The following CCKAR variants were observed in gnomAD, a reference collection of about 807,000 sequenced individuals.
The protein encoded by CCKAR is cholecystokinin receptor type A.
A neutral mutation model predicts 29.8 loss-of-function variants in CCKAR; 21 were observed. That is an observed-to-expected ratio of 0.70 (90% CI 0.50 to 1.01). The LOEUF (loss-of-function observed/expected upper bound fraction) is 1.01, where lower values mean the gene tolerates loss of function less well. CCKAR is among the 50% of genes least tolerant of loss of function. CCKAR has a pLI of 0.00. For missense variants in CCKAR, 570 were observed against 560.6 expected (o/e 1.02, Z -0.17); for synonymous variants, 238 against 221.3 (o/e 1.08, Z -0.67).
At chr4:26,486,034 T>C in intron 2 of CCKAR, 136 bp from the exon 3 acceptor site, 2 of 727,914 alleles carry the variant, frequency 2.7e-6, no homozygotes, top group South Asian at 4.2e-5. Flanking sequence ...ATATTGTGTA[T>C]GTATATTTTT....
In CCKAR at chr4:26,481,651, A is replaced by G. The variant is rs2109877073; in HGVS notation, c.1274T>C (p.Val425Ala). 6.2e-7 allele frequency: 1 copy of G among 1,614,078 alleles called. No homozygotes were observed. Among genetic ancestry groups the G allele is most frequent in the Non-Finnish European group, 8.5e-7 (1 of 1,180,016 alleles). ...TCAGGGGACATCTCACTGGGGTGGC[A>G]CCGAGGCACTCATATGGCTGTACGA... ...RFSYSHMSAS[V>A]PPQ Residue 425 changes from valine (V) to alanine (A), a missense_variant, in exon 5 of 5, where the codon GTG (valine) becomes GCG (alanine). Val to Ala is a moderately conservative substitution (Grantham distance 64, BLOSUM62 0). Transcript: ENST00000295589.
chr4:26,483,311 C>G (rs531262435), intron 3 of CCKAR, 28 bp from the exon 4 acceptor site: 1 of 1,609,556 alleles, frequency 6.2e-7, no homozygotes, highest in South Asian at 1.1e-5. Flanking sequence ...AATCCAATAA[C>G]CAGCAACTTT....
chr4:26,482,821 G>C (rs1737378332), intron 4 of CCKAR, among the ~76,000 whole-genome samples: 1 of 152,154 alleles, frequency 6.6e-6, no homozygotes. Flanking sequence ...CACAAAACAG[G>C]CTGGAATTAC....
chr4:26,490,416 A>G lies in CCKAR; in HGVS notation c.-149T>C, dbSNP rs1464245105. 1 of 609,184 alleles carries G rather than the reference A, an allele frequency of 1.6e-6. No homozygotes were observed. Among genetic ancestry groups the G allele is most frequent in the East Asian group, 2.9e-5 (1 of 34,008 alleles). 37.7% of individuals were successfully genotyped at this position (609,184 alleles called of 1,614,324 possible). A position where few individuals can be genotyped will look rare whatever the true frequency, so the allele number is the denominator to read the frequency against. ...TTTCCAGGTGTGGGCTTTTTCAGCC[A>G]TTCCTAAAGGCGACTTGAGTTCACC... On this transcript the variant is annotated 5_prime_UTR_variant, in exon 1 of 5. It removes an upstream start codon present in the reference 5' UTR. Transcript: ENST00000295589.
At chr4:26,489,900 T>C (rs1054027382) in intron 1 of CCKAR, among the ~76,000 whole-genome samples, 1 of 152,094 alleles carries the variant, frequency 6.6e-6, no homozygotes, top group African/African-American at 2.4e-5. Context: ...CCCTCTTGCT[T>C]CACTCAGCTT....
chr4:26,481,816 T>C lies in CCKAR; in HGVS notation c.1109A>G (p.Tyr370Cys), dbSNP rs967613067. ...GCGGAAGCGTTTGTTCATGAAGCAG[T>C]AGATGATGGGGTTGACGCAGGAGGA... The part of the protein sequence containing the change: ...YTSSCVNPII[Y>C]CFMNKRFRLG... Residue 370 changes from tyrosine to cysteine, a missense_variant, in exon 5 of 5, where the codon TAC (tyrosine) becomes TGC (cysteine). By Grantham distance (194) the Tyr-to-Cys change is radical (BLOSUM62 -2). Transcript: ENST00000295589. The C allele has an allele frequency of 1.2e-6, 2 of 1,613,644 alleles. No homozygotes were observed. Among genetic ancestry groups the C allele is most frequent in the South Asian group, 2.2e-5 (2 of 91,026 alleles).
chr4:26,482,075 G>T lies in CCKAR; in HGVS notation c.850C>A (p.Gln284Lys), dbSNP rs892657848. 6.2e-7 allele frequency: 1 copy of T among 1,614,216 alleles called. No homozygotes were observed. Among genetic ancestry groups the T allele is most frequent in the Non-Finnish European group, 8.5e-7 (1 of 1,180,040 alleles). Reference sequence around the variant, plus strand: ...CTGCTGCTGCTGCCGGTGGACAGCTGCCGGAGCTCCAGCTTCCTCGGGGGC... The same window carrying T: ...CTGCTGCTGCTGCCGGTGGACAGCTTCCGGAGCTCCAGCTTCCTCGGGGGC... ...TRPPRKLELR[Q>K]LSTGSSSRAN... The change falls in exon 5 of 5, where the codon CAG (glutamine) becomes AAG (lysine). Residue 284 changes from glutamine to lysine, a missense_variant. Gln to Lys is a moderately conservative substitution (Grantham distance 53). Transcript: ENST00000295589.
At position 26,483,226 on chromosome 4, in the gene CCKAR, T is replaced by A. The variant is rs201374430; in HGVS notation, c.684A>T (p.Ala228=). 1.1e-5 allele frequency: 17 copies of A among 1,613,630 alleles called. No individual in the cohort carries two copies. Among genetic ancestry groups the A allele is most frequent in the Non-Finnish European group, 1.3e-5 (15 of 1,179,750 alleles). Reference sequence around the variant, plus strand: ...AGAGTTCCAAAGAGATTAATCCATATGCCACCATCATCACAATTCCAGGAA... The same window carrying A: ...AGAGTTCCAAAGAGATTAATCCATAAGCCACCATCATCACAATTCCAGGAA... ...FLIPGIVMMV[A]YGLISLELYQ... The change falls in exon 4 of 5, where the codon GCA becomes GCT. Residue 228 remains alanine (A), a synonymous_variant. Transcript: ENST00000295589.
Position 26,482,665 on chromosome 4 carries a change from T to C in CCKAR, c.754+491A>G. Among the ~76,000 whole-genome samples, 2 of 152,158 alleles carry C rather than the reference T, an allele frequency of 1.3e-5. 1 individual carries two copies. ...ACAAGGGTGTCAAGGTCAATTTTCA[T>C]GGACAGTGGATTGTAATGAATGGAG... On this transcript the variant is annotated intron_variant, in intron 4 of 4. Coordinates refer to ENST00000295589, the MANE Select transcript of CCKAR (RefSeq NM_000730.3).
At chr4:26,483,551 T>G (rs749896385) in intron 3 of CCKAR, among the ~76,000 whole-genome samples, 1 of 152,174 alleles carries the variant, frequency 6.6e-6, no homozygotes, top group East Asian at 1.9e-4. Context: ...AGTCTATGTA[T>G]GAAAAAGAAT....
rs560986896 is a variant in CCKAR, at chr4:26,490,419, C to T, written c.-152G>A. 1 of 598,518 alleles carries T rather than the reference C, an allele frequency of 1.7e-6. No individual in the cohort carries two copies. Among genetic ancestry groups the T allele is most frequent in the East Asian group, 3.0e-5 (1 of 33,682 alleles). The allele number at this position is 598,518 out of a possible 1,614,324, so 37.1% of individuals were successfully genotyped here. On this transcript the variant is annotated 5_prime_UTR_variant, in exon 1 of 5. Coordinates refer to ENST00000295589, the MANE Select transcript of CCKAR (RefSeq NM_000730.3). The stretch of plus-strand genomic sequence containing the variant: ...CCAGGTGTGGGCTTTTTCAGCCATT[C>T]CTAAAGGCGACTTGAGTTCACCTCA...
chr4:26,483,521 G>A (rs942626182), intron 3 of CCKAR, among the ~76,000 whole-genome samples: 19 of 152,242 alleles, frequency 1.2e-4, no homozygotes, highest in South Asian at 6.2e-4. Flanking sequence ...AAAGTTTGGC[G>A]TAATTCTGTG....
chr4:26,484,566 C>T (rs1170708504), intron 3 of CCKAR, among the ~76,000 whole-genome samples: 1 of 152,110 alleles, frequency 6.6e-6, no homozygotes, highest in Non-Finnish European at 1.5e-5. Context: ...AGATAAGGAA[C>T]CTGACGTTCA....
At chr4:26,490,012 T>C in intron 1 of CCKAR, 144 bp downstream of exon 1, 1 of 601,246 alleles carries the variant, frequency 1.7e-6, no homozygotes. Context: ...TTTAATCTCT[T>C]CTCCAAACTT....
rs1484342891 is a variant in CCKAR, at chr4:26,483,221, C to T, written c.689G>A (p.Gly230Glu). 1.2e-6 allele frequency: 2 copies of T among 1,613,394 alleles called. No individual in the cohort carries two copies. Among genetic ancestry groups the T allele is most frequent in the Non-Finnish European group, 1.7e-6 (2 of 1,179,598 alleles). ...CTGGTAGAGTTCCAAAGAGATTAAT[C>T]CATATGCCACCATCATCACAATTCC... ...IPGIVMMVAY[G>E]LISLELYQGI... The change falls in exon 4 of 5, where the codon GGA (glycine) becomes GAA (glutamate). Residue 230 changes from glycine (G) to glutamate (E), a missense_variant. Transcript: ENST00000295589.
At position 26,481,568 on chromosome 4, in the gene CCKAR, T is replaced by C. The variant is rs1737343930; in HGVS notation, c.*70A>G. 1.3e-6 allele frequency: 2 copies of C among 1,528,728 alleles called. No individual in the cohort carries two copies. The highest frequency in any genetic ancestry group is 1.8e-6 in the Non-Finnish European group (2 of 1,105,428). 94.7% of individuals were successfully genotyped at this position (1,528,728 alleles called of 1,614,324 possible). ...TCAGCTCTGCTCCTTCTCTTCCTGATCTCTTCTTCCGTTCTTTCTTCTCTG... is the reference window on the plus strand; with the variant it reads ...TCAGCTCTGCTCCTTCTCTTCCTGACCTCTTCTTCCGTTCTTTCTTCTCTG... On this transcript the variant is annotated 3_prime_UTR_variant, in exon 5 of 5. Coordinates refer to ENST00000295589, the MANE Select transcript of CCKAR (RefSeq NM_000730.3).
At chr4:26,487,398 A>G (rs762426845) in intron 2 of CCKAR, among the ~76,000 whole-genome samples, 14 of 152,210 alleles carry the variant, frequency 9.2e-5, no homozygotes, top group Non-Finnish European at 1.5e-4. Flanking sequence ...TACTCTAAAG[A>G]GTTGATGACA....
chr4:26,482,234 C>T (rs1737366433), intron 4 of CCKAR, 64 bp from the exon 5 acceptor site: 3 of 1,456,700 alleles, frequency 2.1e-6, no homozygotes, highest in Admixed American at 4.2e-5. Flanking sequence ...AGGCATGGAG[C>T]CCCCACTCCC....
chr4:26,483,394 A>C, intron 3 of CCKAR, 111 bp from the exon 4 acceptor site: 1 of 967,128 alleles, frequency 1.0e-6, no homozygotes, highest in Non-Finnish European at 1.5e-6. Flanking sequence ...CAAACACATT[A>C]ATTACTAGTA....
Sources: allele counts gnomAD v4.1 joint callset (sites outside exome capture counted in the v4.1 genomes callset), GRCh38; gene constraint gnomAD v4.1.1; transcripts MANE v1.5; gene names NCBI Gene and HGNC (gene_info 2026-07-23, HGNC 2026-07-21).